Variants in ATP8A2 observed in about 807,000 individuals in gnomAD.
ATP8A2 encodes ATPase phospholipid transporting 8A2, also known as phospholipid-transporting ATPase IB.
Under a neutral mutation model 165.6 loss-of-function variants are expected in ATP8A2, and 100 were observed. That is an observed-to-expected ratio of 0.60 (90% confidence interval 0.51 to 0.71). The LOEUF (loss-of-function observed/expected upper bound fraction) is 0.71, where lower values mean the gene tolerates loss of function less well. Among genes scored for constraint, ATP8A2 ranks in the 30% least tolerant of loss-of-function variants. The probability of loss-of-function intolerance (pLI) is 0.00; values close to 1 mark genes in which losing one functional copy is unlikely to be tolerated. For synonymous variants in ATP8A2, 543 were observed against 548.8 expected (o/e 0.99, Z 0.15); for missense variants, 1,227 against 1,479.5 (o/e 0.83, Z 2.80).
intron 36 of ATP8A2, among the ~76,000 whole-genome samples, chr13:26,013,159 T>C (rs537733212): frequency 6.7e-6 from 1 of 149,860 alleles, no homozygotes; most frequent in Non-Finnish European, 1.5e-5. Flanking sequence ...GGGGAGCTCA[T>C]GGGCTTGTTT....
At chr13:26,005,270 T>C (rs1575584) in intron 35 of ATP8A2, among the ~76,000 whole-genome samples, 151,694 of 152,108 alleles carry the variant, frequency 1, 75,642 homozygotes, top group Middle Eastern at 1. Flanking sequence ...TGACCCTTTA[T>C]GTTTCTGTGG....
At chr13:25,421,646 T>C (rs554742946) in intron 1 of ATP8A2, among the ~76,000 whole-genome samples, 78 of 152,350 alleles carry the variant, frequency 5.1e-4, no homozygotes, top group African/African-American at 1.7e-3. Flanking sequence ...TTTCTCCTTT[T>C]AAAAGAGAAG....
chr13:25,959,310 G>A (rs776988902), intron 33 of ATP8A2, among the ~76,000 whole-genome samples: 18 of 152,194 alleles, frequency 1.2e-4, no homozygotes, highest in Non-Finnish European at 5.9e-5. Context: ...CACCAGTTGG[G>A]CCACCCAGAT....
intron 36 of ATP8A2, among the ~76,000 whole-genome samples, chr13:26,018,162 C>T (rs1436865575): frequency 6.6e-6 from 1 of 152,232 alleles, no homozygotes; most frequent in Non-Finnish European, 1.5e-5. Flanking sequence ...CCTTGCCTCC[C>T]CCGATAACCC....
At chr13:25,776,770 T>A (rs1312735862) in intron 27 of ATP8A2, among the ~76,000 whole-genome samples, 1 of 152,210 alleles carries the variant, frequency 6.6e-6, no homozygotes, top group Non-Finnish European at 1.5e-5. Flanking sequence ...CTTCGTGCTA[T>A]CCCAGGCTTC....
Position 25,922,631 on chromosome 13 carries a change from G to A in ATP8A2, c.3184-38944G>A, listed in dbSNP as rs553302528. ...TACACTCGCATTCCCGGAGCTCTTCGGAGAGCACAAGGCAGGAGGGTCAGT... is the reference window on the plus strand; with the variant it reads ...TACACTCGCATTCCCGGAGCTCTTCAGAGAGCACAAGGCAGGAGGGTCAGT... On this transcript the variant is annotated intron_variant, in intron 33 of 36. Transcript: ENST00000381655. Among the ~76,000 whole-genome samples, 33 of 152,276 alleles carry A rather than the reference G, an allele frequency of 2.2e-4. No individual in the cohort carries two copies. In the South Asian group the frequency reaches 5.6e-3, roughly 26 times the overall value.
At chr13:25,907,680 C>A (rs956550545) in intron 33 of ATP8A2, among the ~76,000 whole-genome samples, 1 of 152,160 alleles carries the variant, frequency 6.6e-6, no homozygotes, top group Non-Finnish European at 1.5e-5. Context: ...TCTTAACAGG[C>A]CTGTTGAAGA....
chr13:25,428,832 G>A (rs1860406073), intron 1 of ATP8A2, among the ~76,000 whole-genome samples: 1 of 152,160 alleles, frequency 6.6e-6, no homozygotes, highest in African/African-American at 2.4e-5. Flanking sequence ...GAGAAAAAGG[G>A]AGAGAAGTGG....
At chr13:25,467,173 G>A (rs938622099) in intron 1 of ATP8A2, among the ~76,000 whole-genome samples, 1 of 152,160 alleles carries the variant, frequency 6.6e-6, no homozygotes, top group Non-Finnish European at 1.5e-5. Flanking sequence ...AAGGAGATGA[G>A]GGATCCTGTC....
chr13:25,486,860 G>A (rs1025929891), intron 2 of ATP8A2, among the ~76,000 whole-genome samples: 5 of 152,194 alleles, frequency 3.3e-5, no homozygotes, highest in South Asian at 2.1e-4. Flanking sequence ...CCAGCTACTT[G>A]GGAAGCTGAG....
intron 1 of ATP8A2, among the ~76,000 whole-genome samples, chr13:25,465,829 G>T (rs1432010786): frequency 7.3e-6 from 1 of 137,554 alleles, no homozygotes; most frequent in African/African-American, 2.7e-5. Context: ...TTGCTATGTT[G>T]CCTAGGCTGG....
At chr13:25,633,439 AAG>A (rs1257910429) in intron 24 of ATP8A2, among the ~76,000 whole-genome samples, 1 of 152,160 alleles carries the variant, frequency 6.6e-6, no homozygotes, top group Non-Finnish European at 1.5e-5. Context: ...GAGAGAGATA[AAG>A]AGAGCAAGAG....
At chr13:25,382,407 T>G (rs1427827111) in intron 1 of ATP8A2, among the ~76,000 whole-genome samples, 1 of 152,194 alleles carries the variant, frequency 6.6e-6, no homozygotes, top group Non-Finnish European at 1.5e-5. Flanking sequence ...CTGTGCAGGT[T>G]TTTGTGTGGA....
chr13:25,399,268 T>G (rs2033539006), intron 1 of ATP8A2, among the ~76,000 whole-genome samples: 1 of 151,892 alleles, frequency 6.6e-6, no homozygotes, highest in South Asian at 2.1e-4. Context: ...ATTCAGGAAG[T>G]CTGGGATGGG....
At chr13:25,462,290 G>A (rs938107938) in intron 1 of ATP8A2, among the ~76,000 whole-genome samples, 3 of 152,198 alleles carry the variant, frequency 2.0e-5, no homozygotes, top group African/African-American at 7.2e-5. Context: ...ATGCTTCAAC[G>A]ACCAGCTGCA....
At chr13:25,735,538 G>A (rs1347391643) in intron 25 of ATP8A2, among the ~76,000 whole-genome samples, 1 of 151,912 alleles carries the variant, frequency 6.6e-6, no homozygotes, top group Non-Finnish European at 1.5e-5. Context: ...TGGGATTATA[G>A]GCGTGAACCT....
rs201992878 is a variant in ATP8A2 at position 25,560,078 on chromosome 13, GT to G, written c.1397+314del. On this transcript the variant is annotated intron_variant, in intron 15 of 36. Coordinates refer to ENST00000381655, the MANE Select transcript of ATP8A2 (RefSeq NM_016529.6). ...CCTGGCCTCAAGCTATCCTCCCGCTGTGTCTTCCCAATGTGCTGGGATTACA... is the reference window on the plus strand; with the variant it reads ...CCTGGCCTCAAGCTATCCTCCCGCTGGTCTTCCCAATGTGCTGGGATTACA... Among the ~76,000 whole-genome samples the G allele has an allele frequency of 4.8e-3, 728 of 152,282 alleles. 14 individuals are homozygous for G. The highest frequency in any genetic ancestry group is 0.016 in the African/African-American group (646 of 41,556).
chr13:25,386,327 C>T (rs763072628), intron 1 of ATP8A2, among the ~76,000 whole-genome samples: 20 of 152,142 alleles, frequency 1.3e-4, no homozygotes, highest in Non-Finnish European at 2.4e-4. Flanking sequence ...GATGGTGCTT[C>T]GTTAAACTTA....
chr13:25,460,758 T>G (rs548633814), intron 1 of ATP8A2, among the ~76,000 whole-genome samples: 1 of 152,338 alleles, frequency 6.6e-6, no homozygotes, highest in East Asian at 1.9e-4. Context: ...CACGTGTCCC[T>G]GCTCACATGC....
Sources: allele counts gnomAD v4.1 joint callset (sites outside exome capture counted in the v4.1 genomes callset), GRCh38; gene constraint gnomAD v4.1.1; transcripts MANE v1.5; gene names NCBI Gene and HGNC (gene_info 2026-07-23, HGNC 2026-07-21).